The following GRM8 variants were observed in gnomAD, a reference collection of about 807,000 sequenced individuals.
GRM8 encodes the protein glutamate metabotropic receptor 8.
Under a neutral mutation model 87.2 loss-of-function variants are expected in GRM8, and 47 were observed. That is an observed-to-expected ratio of 0.54 (90% CI 0.43 to 0.69). The LOEUF is 0.69. Ranked by LOEUF, GRM8 falls within the 30% of genes least tolerant of loss-of-function variation. GRM8 has a pLI of 0.00. For synonymous variants in GRM8, 396 were observed against 404.5 expected, an observed-to-expected ratio of 0.98 and a Z score of 0.25; for missense variants, 1,019 against 1,139.2, an observed-to-expected ratio of 0.89 and a Z score of 1.52.
intron 3 of GRM8, among the ~76,000 whole-genome samples, chr7:126,956,996 C>T (rs2131644971): frequency 6.6e-6 from 1 of 152,240 alleles, no homozygotes; most frequent in South Asian, 2.1e-4. Flanking sequence ...TGTTTTTCAA[C>T]TCTAGGTAAC....
At chr7:126,502,791 G>A (rs1004715725) in intron 9 of GRM8, among the ~76,000 whole-genome samples, 20 of 152,076 alleles carry the variant, frequency 1.3e-4, no homozygotes, top group African/African-American at 4.3e-4. Flanking sequence ...ACATAATTTG[G>A]GGTGTCCAAT....
At chr7:126,459,529 T>C (rs1249119311) in intron 9 of GRM8, among the ~76,000 whole-genome samples, 1 of 151,616 alleles carries the variant, frequency 6.6e-6, no homozygotes, top group Non-Finnish European at 1.5e-5. Context: ...GAATTAGTGA[T>C]GCAAGTGCAT....
intron 3 of GRM8, among the ~76,000 whole-genome samples, chr7:126,962,750 C>G (rs1013275348): frequency 6.6e-6 from 1 of 152,192 alleles, no homozygotes; most frequent in Admixed American, 6.5e-5. Flanking sequence ...ACCATGATAA[C>G]ATGATCAGCT....
chr7:126,918,539 C>A (rs964035980), intron 3 of GRM8, among the ~76,000 whole-genome samples: 1 of 152,102 alleles, frequency 6.6e-6, no homozygotes, highest in African/African-American at 2.4e-5. Context: ...CACATCAATC[C>A]TAAGAATGAA....
intron 2 of GRM8, among the ~76,000 whole-genome samples, chr7:127,194,571 A>C (rs1219865448): frequency 6.6e-6 from 1 of 152,194 alleles, no homozygotes; most frequent in Non-Finnish European, 1.5e-5. Flanking sequence ...TCAAGCACCA[A>C]ATACTTTTTA....
chr7:127,016,465 T>C (rs1362471192), intron 3 of GRM8, among the ~76,000 whole-genome samples: 1 of 152,090 alleles, frequency 6.6e-6, no homozygotes, highest in Non-Finnish European at 1.5e-5. Flanking sequence ...AAAAATGATA[T>C]AAAATTGGGG....
At chr7:126,975,891 C>G (rs1810936701) in intron 3 of GRM8, among the ~76,000 whole-genome samples, 1 of 152,134 alleles carries the variant, frequency 6.6e-6, no homozygotes, top group Non-Finnish European at 1.5e-5. Context: ...TAACTCCTGC[C>G]TACCTCATGA....
chr7:126,636,748 A>T (rs66619230), intron 7 of GRM8, among the ~76,000 whole-genome samples: 46,718 of 151,858 alleles, frequency 0.31, 8,055 homozygotes, highest in East Asian at 0.43. Flanking sequence ...CTTATACCCT[A>T]ACTAAATTCA....
intron 3 of GRM8, among the ~76,000 whole-genome samples, chr7:127,038,607 A>G (rs955453327): frequency 2.0e-5 from 3 of 152,192 alleles, no homozygotes; most frequent in Non-Finnish European, 4.4e-5. Context: ...TTTACCTACA[A>G]GTATATTCTT....
intron 6 of GRM8, among the ~76,000 whole-genome samples, chr7:126,780,873 G>A (rs1482291520): frequency 6.6e-6 from 1 of 152,044 alleles, no homozygotes; most frequent in East Asian, 1.9e-4. Flanking sequence ...GAACAGATAG[G>A]AAGGAGGAAA....
chr7:126,600,226 G>A (rs9986951), intron 8 of GRM8, among the ~76,000 whole-genome samples: 5,614 of 152,060 alleles, frequency 0.037, 275 homozygotes, highest in African/African-American at 0.12. Context: ...TTAGAAATCC[G>A]TTGATATCTG....
chr7:126,448,979 C>A (rs1224233248), intron 9 of GRM8, among the ~76,000 whole-genome samples: 1 of 151,694 alleles, frequency 6.6e-6, no homozygotes, highest in Admixed American at 6.6e-5. Context: ...GTACAACAAA[C>A]CCCCATGGCA....
chr7:126,520,791 C>T (rs1812869039), intron 9 of GRM8, among the ~76,000 whole-genome samples: 1 of 152,016 alleles, frequency 6.6e-6, no homozygotes, highest in African/African-American at 2.4e-5. Context: ...CGTTATAATC[C>T]TATGGTAGTG....
chr7:126,803,790 A>G (rs1792358251), intron 6 of GRM8, among the ~76,000 whole-genome samples: 1 of 152,216 alleles, frequency 6.6e-6, no homozygotes, highest in Non-Finnish European at 1.5e-5. Flanking sequence ...TGGGCAGAGT[A>G]TTTATTCTCG....
At chr7:126,721,993 G>A (rs1333458107) in intron 7 of GRM8, among the ~76,000 whole-genome samples, 1 of 152,022 alleles carries the variant, frequency 6.6e-6, no homozygotes, top group Admixed American at 6.6e-5. Context: ...TTAAGCAGAG[G>A]GACATCAGGA....
chr7:127,041,311 A>G (rs1818407918), intron 3 of GRM8, among the ~76,000 whole-genome samples: 1 of 152,172 alleles, frequency 6.6e-6, no homozygotes, highest in African/African-American at 2.4e-5. Context: ...TTCCTTTACA[A>G]TGCCGGTGCA....
rs929342480 is a variant in GRM8 at position 127,223,461 on chromosome 7, A to G, written c.510+19234T>C. On this transcript the variant is annotated intron_variant, in intron 2 of 10. Coordinates refer to ENST00000339582, the MANE Select transcript of GRM8 (RefSeq NM_000845.3). ...CACACACGCACACACACACACACAC[A>G]CACACACACACACACACACACACAC... is the stretch of plus-strand genomic sequence containing the variant. Among the ~76,000 whole-genome samples, 536 of 102,370 alleles carry G rather than the reference A, an allele frequency of 5.2e-3. 4 individuals are homozygous for G. Among genetic ancestry groups the G allele is most frequent in the African/African-American group, 0.011 (402 of 37,022 alleles). 67.2% of individuals were successfully genotyped at this position (102,370 alleles called of 152,430 possible). A position where few individuals can be genotyped will look rare whatever the true frequency, so the allele number is the denominator to read the frequency against.
chr7:126,670,162 T>C (rs961921688), intron 7 of GRM8, among the ~76,000 whole-genome samples: 1 of 152,224 alleles, frequency 6.6e-6, no homozygotes, highest in African/African-American at 2.4e-5. Context: ...TTCTATTTCA[T>C]AATATTAAGT....
At chr7:127,032,434 C>T (rs1261734060) in intron 3 of GRM8, among the ~76,000 whole-genome samples, 5 of 152,118 alleles carry the variant, frequency 3.3e-5, no homozygotes, top group Non-Finnish European at 7.4e-5. Flanking sequence ...CCCATCCGTC[C>T]ACACCCCCAT....
Sources: allele counts gnomAD v4.1 joint callset (sites outside exome capture counted in the v4.1 genomes callset), GRCh38; gene constraint gnomAD v4.1.1; transcripts MANE v1.5; gene names NCBI Gene and HGNC (gene_info 2026-07-23, HGNC 2026-07-21).